PEPD: variants seen among roughly 807,000 people sequenced by gnomAD.
PEPD encodes the protein peptidase D.
PEPD carries 53 observed loss-of-function variants against 60.7 expected under a neutral mutation model. The observed-to-expected ratio is 0.87, with a 90% CI of 0.70 to 1.10. PEPD has a LOEUF of 1.10. Ranked by LOEUF, PEPD falls within the 50% of genes least tolerant of loss-of-function variation. The pLI is 0.00. For missense variants in PEPD, 711 were observed against 711.9 expected (o/e 1.00, Z 0.01); for synonymous variants, 267 against 284.1 (o/e 0.94, Z 0.60).
At chr19:33,427,899 T>C (rs755436480) in intron 9 of PEPD, among the ~76,000 whole-genome samples, 5 of 152,168 alleles carry the variant, frequency 3.3e-5, no homozygotes, top group Non-Finnish European at 7.3e-5. Flanking sequence ...AGGAATTGTG[T>C]GTGTGAAGCC....
At chr19:33,425,466 GAGGGGCGAGCAGGGGCAAGGGGAGGGA>G (rs1969125088) in intron 9 of PEPD, among the ~76,000 whole-genome samples, 1 of 152,188 alleles carries the variant, frequency 6.6e-6, no homozygotes, top group African/African-American at 2.4e-5. Context: ...GAGCTTTCTG[GAGGGGCGAGCAGGGGCAAGGGGAGGGA>G]AGGGGCTGCT....
intron 1 of PEPD, among the ~76,000 whole-genome samples, chr19:33,520,727 A>G (rs1971115576): frequency 6.6e-6 from 1 of 152,022 alleles, no homozygotes; most frequent in African/African-American, 2.4e-5. Flanking sequence ...TAGATCCCCC[A>G]TTCTGACCTC....
chr19:33,456,748 C>T (rs943953081), intron 9 of PEPD, among the ~76,000 whole-genome samples: 1 of 152,124 alleles, frequency 6.6e-6, no homozygotes, highest in Non-Finnish European at 1.5e-5. Flanking sequence ...CCGCCTGGAC[C>T]CAGACTTGTT....
At chr19:33,479,386 G>A (rs543790307) in intron 6 of PEPD, among the ~76,000 whole-genome samples, 1 of 152,010 alleles carries the variant, frequency 6.6e-6, no homozygotes, top group South Asian at 2.1e-4. Flanking sequence ...CCAATTACAA[G>A]GCAAGGATTG....
At chr19:33,451,888 A>G (rs1969707292) in intron 9 of PEPD, among the ~76,000 whole-genome samples, 1 of 152,246 alleles carries the variant, frequency 6.6e-6, no homozygotes. Flanking sequence ...TATCATGGAA[A>G]TGAGTAAGAC....
At chr19:33,485,041 G>A (rs1415846294) in intron 6 of PEPD, among the ~76,000 whole-genome samples, 1 of 152,166 alleles carries the variant, frequency 6.6e-6, no homozygotes, top group African/African-American at 2.4e-5. Context: ...GGAGATGAGA[G>A]GGCCAAAGCC....
chr19:33,512,453 G>A lies in PEPD; in HGVS notation c.201+140C>T. 3 of 805,224 alleles carry A rather than the reference G, an allele frequency of 3.7e-6. No individual in the cohort carries two copies. In the East Asian group the frequency reaches 7.9e-5, roughly 21 times the overall value. The allele number at this position is 805,224 out of a possible 1,614,324, so 49.9% of individuals were successfully genotyped here. A position where few individuals can be genotyped will look rare whatever the true frequency, so the allele number is the denominator to read the frequency against. On this transcript the variant is annotated intron_variant, in intron 2 of 14. Coordinates refer to ENST00000244137, the MANE Select transcript of PEPD (RefSeq NM_000285.4). Reference sequence around the variant, plus strand: ...GTTCTACATCTTCAAGGAGCCCCTGGACCACTTCCCAGGCGAGGAAACAGA... The same window carrying A: ...GTTCTACATCTTCAAGGAGCCCCTGAACCACTTCCCAGGCGAGGAAACAGA...
intron 13 of PEPD, 22 bp from the exon 14 acceptor site, chr19:33,388,103 G>C: frequency 6.5e-7 from 1 of 1,540,438 alleles, no homozygotes; most frequent in South Asian, 1.2e-5. Flanking sequence ...AGAGGTGAGG[G>C]GCCTGATGAG....
chr19:33,499,196 A>T (rs2145332837), intron 4 of PEPD, among the ~76,000 whole-genome samples: 1 of 152,304 alleles, frequency 6.6e-6, no homozygotes, highest in South Asian at 2.1e-4. Flanking sequence ...ATGTGTATTG[A>T]CAGAATCTTC....
intron 7 of PEPD, among the ~76,000 whole-genome samples, chr19:33,472,880 C>T (rs1490925315): frequency 1.3e-5 from 2 of 152,346 alleles, no homozygotes; most frequent in African/African-American, 4.8e-5. Context: ...ATCCCTCCCA[C>T]ACTCCATGAC....
chr19:33,460,867 C>A (rs1268938080), intron 9 of PEPD, among the ~76,000 whole-genome samples: 1 of 152,148 alleles, frequency 6.6e-6, no homozygotes, highest in Admixed American at 6.5e-5. Flanking sequence ...GGCAGCAAGG[C>A]CAACCCAGGG....
intron 13 of PEPD, among the ~76,000 whole-genome samples, chr19:33,390,524 T>A (rs1470040530): frequency 6.6e-6 from 1 of 152,252 alleles, no homozygotes; most frequent in Non-Finnish European, 1.5e-5. Context: ...CTTGGCTAAC[T>A]GGCTGGGGGG....
At position 33,468,503 on chromosome 19, in the gene PEPD, C is replaced by A. The variant is rs567159397; in HGVS notation, c.549-4441G>T. On this transcript the variant is annotated intron_variant, in intron 7 of 14. Coordinates refer to ENST00000244137, the MANE Select transcript of PEPD (RefSeq NM_000285.4). ...TCCATCGAGGCAGCCCAGACAGAGG[C>A]CCCGAGGCAGGCGAGGATGGCGGGA... 2.4e-4 allele frequency among the ~76,000 whole-genome samples: 36 copies of A among 152,366 alleles called. 2 individuals carry two copies. The South Asian group carries it at 7.0e-3, about 30-fold the overall frequency.
intron 11 of PEPD, among the ~76,000 whole-genome samples, chr19:33,403,734 G>C (rs59288015): frequency 0.012 from 1,816 of 152,322 alleles, 39 homozygotes; most frequent in African/African-American, 0.041. Flanking sequence ...AAAGTCCCCA[G>C]CCGGGCACTT....
intron 12 of PEPD, among the ~76,000 whole-genome samples, chr19:33,393,222 A>G (rs1600077095): frequency 1.0e-5 from 1 of 98,708 alleles, no homozygotes; most frequent in Admixed American, 9.1e-5. Context: ...GGCGTCGGGG[A>G]GGCCGTCCCG....
At chr19:33,496,261 T>C (rs1341753493) in intron 4 of PEPD, among the ~76,000 whole-genome samples, 5 of 152,120 alleles carry the variant, frequency 3.3e-5, no homozygotes, top group African/African-American at 1.2e-4. Context: ...GCTGATGGTT[T>C]TTCTCCGGGC....
intron 9 of PEPD, among the ~76,000 whole-genome samples, chr19:33,460,522 C>T (rs997242757): frequency 6.6e-6 from 1 of 152,146 alleles, no homozygotes; most frequent in African/African-American, 2.4e-5. Context: ...GGGGTGACCC[C>T]TCTCTCCCAA....
Position 33,387,294 on chromosome 19 carries a change from A to G in PEPD, c.*50T>C, listed in dbSNP as rs769257563. 6.2e-7 allele frequency: 1 copy of G among 1,609,870 alleles called. No individual in the cohort carries two copies. Among genetic ancestry groups the G allele is most frequent in the South Asian group, 1.1e-5 (1 of 91,008 alleles). On this transcript the variant is annotated 3_prime_UTR_variant, in exon 15 of 15. Coordinates refer to ENST00000244137, the MANE Select transcript of PEPD (RefSeq NM_000285.4). ...TGACCAGCAGGCTGCCCATCACGAA[A>G]AGAGGTTGCAAGGCCAGGCCCCCAG...
intron 9 of PEPD, among the ~76,000 whole-genome samples, chr19:33,425,473 G>A (rs1016265108): frequency 2.0e-5 from 3 of 152,158 alleles, no homozygotes; most frequent in African/African-American, 4.8e-5. Flanking sequence ...CTGGAGGGGC[G>A]AGCAGGGGCA....
Sources: gnomAD v4.1 joint callset for allele counts (sites outside exome capture counted in the v4.1 genomes callset) on GRCh38, gnomAD v4.1.1 for gene constraint, MANE v1.5 for transcripts, NCBI Gene and HGNC (gene_info 2026-07-23, HGNC 2026-07-21) for gene names.